MAST4: variants seen among roughly 807,000 people sequenced by gnomAD.
The protein encoded by MAST4 is microtubule associated serine/threonine kinase family member 4.
MAST4 carries 89 observed loss-of-function variants against 162.7 expected under a neutral mutation model. That is an observed-to-expected ratio of 0.55 (90% CI 0.46 to 0.65). The LOEUF is 0.65. Among genes scored for constraint, MAST4 ranks in the 30% least tolerant of loss-of-function variants. The pLI, the probability that MAST4 is intolerant of heterozygous loss-of-function variation, is 0.00. For synonymous variants in MAST4, 1,479 were observed against 1,361.1 expected, an observed-to-expected ratio of 1.09 and a Z score of -1.91; for missense variants, 3,153 against 3,374.0, an observed-to-expected ratio of 0.93 and a Z score of 1.62.
At chr5:66,671,419 A>G (rs915352212) in intron 1 of MAST4, among the ~76,000 whole-genome samples, 1 of 152,204 alleles carries the variant, frequency 6.6e-6, no homozygotes, top group Admixed American at 6.5e-5. Context: ...GTCCCTTGGC[A>G]GAAATCTTTC....
chr5:66,722,680 G>A (rs1487665830), intron 1 of MAST4, among the ~76,000 whole-genome samples: 1 of 152,034 alleles, frequency 6.6e-6, no homozygotes, highest in Non-Finnish European at 1.5e-5. Context: ...ATTTTGCTGC[G>A]AGAAATATTG....
intron 3 of MAST4, among the ~76,000 whole-genome samples, chr5:66,879,079 A>G (rs1472553847): frequency 2.0e-5 from 3 of 152,174 alleles, no homozygotes; most frequent in East Asian, 1.9e-4. Flanking sequence ...GGAGATGGCG[A>G]CCATCCTGGC....
chr5:67,157,667 C>T (rs923531345), intron 26 of MAST4, among the ~76,000 whole-genome samples: 7 of 152,146 alleles, frequency 4.6e-5, no homozygotes, highest in African/African-American at 1.2e-4. Context: ...CCACAGGGAG[C>T]GGGGTTTGGT....
intron 10 of MAST4, among the ~76,000 whole-genome samples, chr5:67,108,836 G>C (rs868677303): frequency 5.3e-5 from 8 of 152,156 alleles, no homozygotes; most frequent in Middle Eastern, 3.4e-3. Context: ...CCTTGTCATG[G>C]TAAAGCACCT....
intron 12 of MAST4, chr5:67,115,189 C>G (rs1766740546): frequency 6.6e-6 from 1 of 152,094 alleles, no homozygotes; most frequent in Non-Finnish European, 1.5e-5. Flanking sequence ...CAACCTGTTC[C>G]TGTTCATGAT....
intron 4 of MAST4, among the ~76,000 whole-genome samples, chr5:67,023,963 C>T (rs1754302749): frequency 6.6e-6 from 1 of 151,738 alleles, no homozygotes; most frequent in Admixed American, 6.6e-5. Context: ...TTTAAGTGTA[C>T]ACTTTAGTAG....
intron 2 of MAST4, among the ~76,000 whole-genome samples, chr5:66,786,737 GA>G: frequency 6.6e-6 from 1 of 152,150 alleles, no homozygotes; most frequent in East Asian, 1.9e-4. Flanking sequence ...ATAAGGAAAG[GA>G]AAAAATTAAA....
At chr5:66,693,276 G>T (rs931430398) in intron 1 of MAST4, among the ~76,000 whole-genome samples, 19 of 152,038 alleles carry the variant, frequency 1.2e-4, no homozygotes, top group Non-Finnish European at 2.6e-4. Context: ...GACTGTGTTT[G>T]ATACAGTTTT....
intron 12 of MAST4, among the ~76,000 whole-genome samples, chr5:67,117,491 A>G (rs1767056545): frequency 6.6e-6 from 1 of 152,016 alleles, no homozygotes; most frequent in African/African-American, 2.4e-5. Flanking sequence ...TGAATACATA[A>G]AATAAGAAAC....
At chr5:66,837,437 C>G (rs578082323) in intron 3 of MAST4, among the ~76,000 whole-genome samples, 2 of 152,142 alleles carry the variant, frequency 1.3e-5, no homozygotes, top group South Asian at 4.2e-4. Context: ...CTGTTTTTAA[C>G]TTTGCTTTCC....
At chr5:66,800,866 T>A (rs1489777034) in intron 3 of MAST4, among the ~76,000 whole-genome samples, 1 of 152,308 alleles carries the variant, frequency 6.6e-6, no homozygotes, top group East Asian at 1.9e-4. Flanking sequence ...TGTCACCATA[T>A]ACAACAAAAA....
rs553050450 is a variant in MAST4 at position 67,125,635 on chromosome 5, C to T, written c.1745+4533C>T. Among the ~76,000 whole-genome samples, 3 of 152,274 alleles carry T rather than the reference C, an allele frequency of 2.0e-5. No homozygotes were observed. The South Asian group carries it at 6.2e-4, about 32-fold the overall frequency. On this transcript the variant is annotated intron_variant, in intron 14 of 28. Transcript: ENST00000403625. The stretch of plus-strand genomic sequence containing the variant: ...CCATGGTGTATACATGCCACATTTT[C>T]CTTATCCAGTCTATCATTGATGGGC...
intron 5 of MAST4, among the ~76,000 whole-genome samples, chr5:67,059,750 G>A (rs917810998): frequency 4.0e-5 from 6 of 151,328 alleles, no homozygotes; most frequent in Admixed American, 2.7e-4. Context: ...TTTCTGTTGG[G>A]CAATTTTAGG....
chr5:66,611,777 T>C (rs1402012250), intron 1 of MAST4, among the ~76,000 whole-genome samples: 3 of 152,250 alleles, frequency 2.0e-5, no homozygotes, highest in African/African-American at 7.2e-5. Flanking sequence ...AAAATACTGT[T>C]ACCTGCAGTT....
At position 67,102,564 on chromosome 5, in the gene MAST4, C is replaced by T; in HGVS notation, c.1099C>T (p.His367Tyr). Residue 367 changes from histidine (H) to tyrosine (Y), a missense_variant, in exon 9 of 29, where the codon CAT (histidine) becomes TAT (tyrosine). His to Tyr is a moderately conservative substitution (Grantham distance 83). Around this residue, in one of 7 missense-constraint regions of MAST4, gnomAD observed 360 missense variants for 450.0 expected, o/e 0.80. Transcript: ENST00000403625. ...SPGRSPACCD[H>Y]EIIMMNHVYK... ...TGGACGTTCTCCCGCCTGCTGTGACCATGAAATAATTATGATGAACCATGT... is the reference window on the plus strand; with the variant it reads ...TGGACGTTCTCCCGCCTGCTGTGACTATGAAATAATTATGATGAACCATGT... 1 of 1,613,876 alleles carries T rather than the reference C, an allele frequency of 6.2e-7. No homozygotes were observed. Among genetic ancestry groups the T allele is most frequent in the Non-Finnish European group, 8.5e-7 (1 of 1,179,842 alleles).
At chr5:66,780,364 C>T (rs1219346506) in intron 2 of MAST4, among the ~76,000 whole-genome samples, 1 of 152,178 alleles carries the variant, frequency 6.6e-6, no homozygotes, top group Middle Eastern at 3.2e-3. Flanking sequence ...TCACTGACTT[C>T]AAGAATGAAG....
intron 1 of MAST4, among the ~76,000 whole-genome samples, chr5:66,665,872 G>A (rs1304825682): frequency 1.3e-5 from 2 of 152,176 alleles, no homozygotes; most frequent in African/African-American, 4.8e-5. Context: ...TCCTAGAGCA[G>A]TGCCTAGCAC....
chr5:66,955,357 G>A (rs1373737211), intron 4 of MAST4, among the ~76,000 whole-genome samples: 1 of 152,120 alleles, frequency 6.6e-6, no homozygotes, highest in Non-Finnish European at 1.5e-5. Flanking sequence ...TAAGTGCAAA[G>A]GGCAAGAGGC....
rs147757412 is a variant in MAST4, at chr5:66,829,406, A to G, written c.642+40612A>G. Among the ~76,000 whole-genome samples the G allele has an allele frequency of 2.0e-3, 312 of 152,228 alleles. 2 individuals carry two copies. Among genetic ancestry groups the G allele is most frequent in the African/African-American group, 7.0e-3 (292 of 41,506 alleles). On this transcript the variant is annotated intron_variant, in intron 3 of 28. Coordinates refer to ENST00000403625, the MANE Select transcript of MAST4 (RefSeq NM_001164664.2). ...TGTAATTTGTTTATGTTGAGATGAG[A>G]AAAGATATGTAACTCACTGCCTTGC...
Sources: allele counts gnomAD v4.1 joint callset (sites outside exome capture counted in the v4.1 genomes callset), GRCh38; gene constraint gnomAD v4.1.1; regional missense constraint gnomAD v4.1.1; transcripts MANE v1.5; gene names NCBI Gene and HGNC (gene_info 2026-07-23, HGNC 2026-07-21).